Variants in CFAP46 observed in about 807,000 individuals in gnomAD.
The protein encoded by CFAP46 is cilia- and flagella-associated protein 46.
In CFAP46, 245 loss-of-function variants were observed where a neutral mutation model predicts 325.7. The ratio of observed to expected loss-of-function variants is 0.75; its 90% CI spans 0.68 to 0.84. CFAP46 has a LOEUF of 0.84. Ranked by LOEUF, CFAP46 falls within the 40% of genes least tolerant of loss-of-function variation. The pLI, the probability that CFAP46 is intolerant of heterozygous loss-of-function variation, is 0.00. For synonymous variants in CFAP46, 1,523 were observed against 1,495.9 expected, an observed-to-expected ratio of 1.02 and a Z score of -0.42; for missense variants, 3,346 against 3,543.0, an observed-to-expected ratio of 0.94 and a Z score of 1.41.
chr10:132,816,655 T>A (rs1461969061), intron 50 of CFAP46, among the ~76,000 whole-genome samples: 2 of 152,194 alleles, frequency 1.3e-5, no homozygotes, highest in African/African-American at 2.4e-5. Flanking sequence ...TTAAATCAGA[T>A]GCTGAGCTTC....
At chr10:132,864,699 CTGCCTGAG>C (rs1848786829) in intron 35 of CFAP46, among the ~76,000 whole-genome samples, 1 of 52,044 alleles carries the variant, frequency 1.9e-5, no homozygotes, top group Non-Finnish European at 3.3e-5. Flanking sequence ...ACCTGTCCCC[CTGCCTGAG>C]ACCTGCACAC....
intron 49 of CFAP46, 74 bp from the exon 50 acceptor site, chr10:132,833,599 T>C: frequency 6.6e-7 from 1 of 1,510,836 alleles, no homozygotes; most frequent in Non-Finnish European, 9.0e-7. Context: ...GGCTCCGTCT[T>C]CTGACTTGGC....
chr10:132,913,396 C>T (rs1047994008), intron 17 of CFAP46, 138 bp from the exon 18 acceptor site: 41 of 674,776 alleles, frequency 6.1e-5, no homozygotes, highest in Non-Finnish European at 8.3e-5. Flanking sequence ...GACCAAACTC[C>T]ATCTGCATTT....
chr10:132,837,211 A>G lies in CFAP46; in HGVS notation c.6439-297T>C, dbSNP rs1848266421. 9.7e-6 allele frequency: 4 copies of G among 413,712 alleles called. No individual in the cohort carries two copies. The South Asian group carries it at 1.2e-4, about 12-fold the overall frequency. The allele number at this position is 413,712 out of a possible 1,614,324, so 25.6% of individuals were successfully genotyped here. On this transcript the variant is annotated intron_variant, in intron 44 of 57. Coordinates refer to ENST00000368586, the MANE Select transcript of CFAP46 (RefSeq NM_001200049.3). Reference sequence around the variant, plus strand: ...GCAAAGTGCATGTTCACCAAACCCAAAATAACAAATGGAAAATTCTCCAGC... The same window carrying G: ...GCAAAGTGCATGTTCACCAAACCCAGAATAACAAATGGAAAATTCTCCAGC...
At chr10:132,920,289 G>A (rs1456859171) in intron 13 of CFAP46, 107 bp from the exon 14 acceptor site, 2 of 1,355,318 alleles carry the variant, frequency 1.5e-6, no homozygotes, top group East Asian at 5.4e-5. Context: ...GCCACCCACA[G>A]GTAGCGGCTC....
chr10:132,872,713 C>T lies in CFAP46; in HGVS notation c.4474G>A (p.Val1492Met). 6.4e-7 allele frequency: 1 copy of T among 1,550,748 alleles called. No homozygotes were observed. The highest frequency in any genetic ancestry group is 8.7e-7 in the Non-Finnish European group (1 of 1,147,030). The change falls in exon 32 of 58, where the codon GTG (valine) becomes ATG (methionine). Residue 1492 changes from valine (V) to methionine (M), a missense_variant. Transcript: ENST00000368586. The part of the protein sequence containing the change: ...QLGVLISDSV[V>M]GSKGLSDLYH... ...AGATCCGACAGGCCCTTGCTTCCCA[C>T]CACGGAGTCCGAAATCAGCACCCCC...
chr10:132,912,274 TCTC>T (rs1235079002), intron 19 of CFAP46, among the ~76,000 whole-genome samples: 3 of 85,600 alleles, frequency 3.5e-5, no homozygotes, highest in East Asian at 2.9e-4. Context: ...TCCTCTCTCT[TCTC>T]CTCTCTCCTC....
At position 132,827,426 on chromosome 10, in the gene CFAP46, T is replaced by C. The variant is rs550360155; in HGVS notation, c.7117+5932A>G. Among the ~76,000 whole-genome samples, 27 of 152,144 alleles carry C rather than the reference T, an allele frequency of 1.8e-4. 1 individual carries two copies. The highest frequency in any genetic ancestry group is 3.7e-4 in the Non-Finnish European group (25 of 67,996). ...GTCCTTGGACCTCCTCCTTCAAGGA[T>C]CCACTTCGCACATGTGCCCTTCTGC... On this transcript the variant is annotated intron_variant, in intron 50 of 57. Coordinates refer to ENST00000368586, the MANE Select transcript of CFAP46 (RefSeq NM_001200049.3). This position sits in a 1 kb window ranked among gnomAD's most constrained non-coding sequence, Gnocchi z 5.7.
In CFAP46 at chr10:132,884,999, C is replaced by T. The variant is rs540178159; in HGVS notation, c.3627+104G>A. ...GTGCCCGTCAGCTGTGGCTGCTCTG[C>T]GTGCTGCCCCACACCAGGTCCCTGC... On this transcript the variant is annotated intron_variant, in intron 27 of 57. Transcript: ENST00000368586. This position sits in a 1 kb window ranked among gnomAD's most constrained non-coding sequence, Gnocchi z 5.4. 4.2e-5 allele frequency: 52 copies of T among 1,243,402 alleles called. No homozygotes were observed. Among genetic ancestry groups the T allele is most frequent in the African/African-American group, 3.2e-4 (21 of 65,940 alleles). The allele number at this position is 1,243,402 out of a possible 1,614,324, so 77.0% of individuals were successfully genotyped here.
At chr10:132,911,622 G>A (rs1849542014) in intron 19 of CFAP46, among the ~76,000 whole-genome samples, 1 of 152,184 alleles carries the variant, frequency 6.6e-6, no homozygotes, top group Non-Finnish European at 1.5e-5. Context: ...AATGGGCAAT[G>A]GCTCATCAAA....
At chr10:132,910,795 T>A (rs928731345) in intron 19 of CFAP46, among the ~76,000 whole-genome samples, 5 of 152,140 alleles carry the variant, frequency 3.3e-5, no homozygotes, top group African/African-American at 9.7e-5. Context: ...CTCCCCTCCA[T>A]CCTTCCTTCT....
chr10:132,879,553 C>T lies in CFAP46; in HGVS notation c.3878G>A (p.Arg1293His), dbSNP rs769921770. Residue 1293 changes from arginine (R) to histidine (H), a missense_variant, in exon 29 of 58, where the codon CGT (arginine) becomes CAT (histidine). Physicochemically the swap from Arg to His is conservative, Grantham distance 29. Coordinates refer to ENST00000368586, the MANE Select transcript of CFAP46 (RefSeq NM_001200049.3). ...CAGCGCCTCCAGCTGCCGCACGCTA[C>T]GCAGCTGCTCCAAGGACACCGCCTC... The part of the protein sequence containing the change: ...AEEAVSLEQL[R>H]SVRQLEALAR... The T allele has an allele frequency of 7.1e-6, 11 of 1,547,550 alleles. No homozygotes were observed. Among genetic ancestry groups the T allele is most frequent in the East Asian group, 4.9e-5 (2 of 40,882 alleles).
Position 132,942,065 on chromosome 10 carries a change from G to A in CFAP46, c.89C>T (p.Ser30Leu). ...SLKKAYELIK[S>L]ANLGKSEFDP... ...AAACTCCGATTTCCCTAGGTTGGCC[G>A]ATTTGATCAACTCGTAGGCCTTCTT... Residue 30 changes from serine (S) to leucine (L), a missense_variant, in exon 2 of 58, where the codon TCG becomes TTG. Coordinates refer to ENST00000368586, the MANE Select transcript of CFAP46 (RefSeq NM_001200049.3). The A allele has an allele frequency of 6.4e-7, 1 of 1,551,756 alleles. No individual in the cohort carries two copies. The highest frequency in any genetic ancestry group is 1.7e-4 in the Middle Eastern group (1 of 5,992).
At chr10:132,848,737 G>C (rs377688946) in intron 41 of CFAP46, among the ~76,000 whole-genome samples, 1 of 152,146 alleles carries the variant, frequency 6.6e-6, no homozygotes, top group Non-Finnish European at 1.5e-5. Context: ...CAGCCCACTC[G>C]GGCCCCCTCT....
intron 50 of CFAP46, among the ~76,000 whole-genome samples, chr10:132,821,693 GTGC>G (rs1328191153): frequency 3.6e-5 from 5 of 139,624 alleles, no homozygotes; most frequent in African/African-American, 1.4e-4. Context: ...TGTGTGCTGT[GTGC>G]TGATGTGTGC....
chr10:132,809,589 T>C (rs1284936998), intron 57 of CFAP46, among the ~76,000 whole-genome samples: 2 of 152,280 alleles, frequency 1.3e-5, no homozygotes, highest in East Asian at 3.9e-4. Flanking sequence ...TGAAGGCCTC[T>C]GGGGGAAGCC....
intron 39 of CFAP46, among the ~76,000 whole-genome samples, chr10:132,851,855 C>T (rs1848553931): frequency 7.4e-6 from 1 of 134,292 alleles, no homozygotes; most frequent in African/African-American, 2.8e-5. Context: ...GTGGTATGTT[C>T]CTCCATTTAC....
At chr10:132,912,535 C>T in intron 19 of CFAP46, 120 bp downstream of exon 19, 1 of 472,014 alleles carries the variant, frequency 2.1e-6, no homozygotes, top group Non-Finnish European at 3.0e-6. Context: ...TCACCTCTCT[C>T]CTCTCCTCTC....
At chr10:132,822,054 GTGTGTGCTGA>G (rs1193172577) in intron 50 of CFAP46, among the ~76,000 whole-genome samples, 162 of 144,130 alleles carry the variant, frequency 1.1e-3, no homozygotes, top group African/African-American at 3.9e-3. Context: ...GATGTGTGCT[GTGTGTGCTGA>G]TGTGTGCTGT....
Sources: gnomAD v4.1 joint callset for allele counts (sites outside exome capture counted in the v4.1 genomes callset) on GRCh38, gnomAD v4.1.1 for gene constraint, Gnocchi (gnomAD v3.1) non-coding constraint, MANE v1.5 for transcripts, NCBI Gene and HGNC (gene_info 2026-07-23, HGNC 2026-07-21) for gene names.